Variants in SLC24A2 observed in about 807,000 individuals in gnomAD.
The protein encoded by SLC24A2 is sodium/potassium/calcium exchanger 2.
SLC24A2 carries 36 observed loss-of-function variants against 62.0 expected under a neutral mutation model. That is an observed-to-expected ratio of 0.58 (90% CI 0.44 to 0.77). SLC24A2 has a LOEUF of 0.77. SLC24A2 is among the 30% of genes least tolerant of loss of function. The pLI is 0.00. For synonymous variants in SLC24A2, 358 were observed against 294.0 expected (o/e 1.22, Z -2.23); for missense variants, 846 against 817.9 (o/e 1.03, Z -0.42).
At chr9:20,214,629 T>TA in the SLC24A2 span, among the ~76,000 whole-genome samples, 1,713 of 150,206 alleles carry the variant, frequency 0.011, 35 homozygotes, top group African/African-American at 0.04. Context: ...AAATAAAAAA[T>TA]AAAAAAAAAA....
At chr9:19,849,273 T>C in the SLC24A2 span, among the ~76,000 whole-genome samples, 1 of 152,314 alleles carries the variant, frequency 6.6e-6, no homozygotes, top group East Asian at 1.9e-4. Flanking sequence ...AATTGCTCAC[T>C]AAGAATACAT....
chr9:19,669,561 A>G (rs1178805432), intron 2 of SLC24A2, among the ~76,000 whole-genome samples: 2 of 152,218 alleles, frequency 1.3e-5, no homozygotes, highest in Non-Finnish European at 2.9e-5. Flanking sequence ...AGCTAAAAGC[A>G]AAGTCTCTGC....
At chr9:19,677,748 A>AT (rs1819602202) in intron 2 of SLC24A2, among the ~76,000 whole-genome samples, 1 of 151,288 alleles carries the variant, frequency 6.6e-6, no homozygotes, top group Non-Finnish European at 1.5e-5. Context: ...AGTGGTATAC[A>AT]TTACACATAA....
the SLC24A2 span, among the ~76,000 whole-genome samples, chr9:19,807,333 T>A: frequency 1.3e-5 from 2 of 152,244 alleles, no homozygotes; most frequent in Non-Finnish European, 2.9e-5. Context: ...CACGACATCA[T>A]CTTCTAGCCT....
At chr9:19,842,368 T>C in the SLC24A2 span, among the ~76,000 whole-genome samples, 1 of 152,198 alleles carries the variant, frequency 6.6e-6, no homozygotes, top group Admixed American at 6.5e-5. Flanking sequence ...AAAGGTAGAA[T>C]GGCTTACTGA....
the SLC24A2 span, among the ~76,000 whole-genome samples, chr9:20,086,403 G>A: frequency 6.6e-6 from 1 of 152,126 alleles, no homozygotes; most frequent in Non-Finnish European, 1.5e-5. Context: ...TGAGCCCCCA[G>A]CCTCCAAGCC....
At chr9:20,276,765 C>T in the SLC24A2 span, among the ~76,000 whole-genome samples, 2 of 152,216 alleles carry the variant, frequency 1.3e-5, no homozygotes, top group African/African-American at 2.4e-5. Flanking sequence ...GGTTCCCAAA[C>T]CTCAGTGCTT....
rs548954821 is a variant in SLC24A2, at chr9:19,707,004, G to A, written c.930+78933C>T. On this transcript the variant is annotated intron_variant, in intron 2 of 10. Coordinates refer to ENST00000341998, the MANE Select transcript of SLC24A2 (RefSeq NM_020344.4). ...AAAGGATCAACAAAATTGATAGACC[G>A]CTAGCAAGACTAATAAAGAAGAAAA... 2.0e-4 allele frequency among the ~76,000 whole-genome samples: 30 copies of A among 151,746 alleles called. No individual in the cohort carries two copies. In the South Asian group the frequency reaches 2.5e-3, roughly 13 times the overall value.
chr9:19,746,791 C>G lies in SLC24A2; in HGVS notation c.930+39146G>C, dbSNP rs1221273088. Among the ~76,000 whole-genome samples the G allele has an allele frequency of 3.9e-5, 6 of 152,108 alleles. No individual in the cohort carries two copies. In the East Asian group the frequency reaches 9.6e-4, roughly 24 times the overall value. The stretch of plus-strand genomic sequence containing the variant: ...TATTTGGTGCTTATTTTTAGTCACA[C>G]TTATCTTGTTGATTTATGAGACAGC... On this transcript the variant is annotated intron_variant, in intron 2 of 10. Coordinates refer to ENST00000341998, the MANE Select transcript of SLC24A2 (RefSeq NM_020344.4).
the SLC24A2 span, among the ~76,000 whole-genome samples, chr9:20,014,068 T>C: frequency 2.0e-5 from 3 of 151,888 alleles, no homozygotes; most frequent in Non-Finnish European, 4.4e-5. Context: ...ATTAGCAGGG[T>C]GTGGTGGTAC....
chr9:19,900,010 T>C, the SLC24A2 span, among the ~76,000 whole-genome samples: 14,818 of 152,200 alleles, frequency 0.097, 2,214 homozygotes, highest in African/African-American at 0.32. Flanking sequence ...ATATGACTAT[T>C]GTACCCTGAA....
the SLC24A2 span, among the ~76,000 whole-genome samples, chr9:19,832,433 T>C: frequency 1.1e-4 from 16 of 152,304 alleles, no homozygotes; most frequent in Middle Eastern, 3.4e-3. Context: ...AACCAAGTCA[T>C]GTTGTGTAGA....
intron 2 of SLC24A2, among the ~76,000 whole-genome samples, chr9:19,649,108 C>T (rs558733468): frequency 6.6e-6 from 1 of 151,138 alleles, no homozygotes; most frequent in Non-Finnish European, 1.5e-5. Context: ...ATCAGTCAGA[C>T]CAATTTAAAA....
chr9:20,178,431 C>G, the SLC24A2 span, among the ~76,000 whole-genome samples: 14 of 152,136 alleles, frequency 9.2e-5, no homozygotes, highest in Admixed American at 5.9e-4. Context: ...TTTGCTCCCC[C>G]ACATGTCAAC....
At chr9:20,277,066 T>C in the SLC24A2 span, among the ~76,000 whole-genome samples, 1 of 152,204 alleles carries the variant, frequency 6.6e-6, no homozygotes, top group Non-Finnish European at 1.5e-5. Flanking sequence ...GGCTCCTCAT[T>C]ACCTTTGCAA....
the SLC24A2 span, among the ~76,000 whole-genome samples, chr9:20,046,339 G>A: frequency 1.3e-5 from 2 of 152,204 alleles, no homozygotes; most frequent in East Asian, 1.9e-4. Context: ...GACCCAGAAG[G>A]TTTCTCTGTT....
At chr9:20,021,346 G>C in the SLC24A2 span, among the ~76,000 whole-genome samples, 1 of 151,250 alleles carries the variant, frequency 6.6e-6, no homozygotes, top group African/African-American at 2.4e-5. Context: ...TTGTGGGACA[G>C]ATTTATATAT....
chr9:19,755,098 C>A (rs1822100463), intron 2 of SLC24A2, among the ~76,000 whole-genome samples: 2 of 152,114 alleles, frequency 1.3e-5, no homozygotes, highest in South Asian at 4.1e-4. Flanking sequence ...AAGCTCTGAG[C>A]TCAGATGGCC....
In SLC24A2 at chr9:19,726,070, G is replaced by C. The variant is rs530547579; in HGVS notation, c.930+59867C>G. Reference sequence around the variant, plus strand: ...CCTGAAGCAAACTCAGCTCTAGCGAGGCCACATCCTCACTGAAGAATGAAA... The same window carrying C: ...CCTGAAGCAAACTCAGCTCTAGCGACGCCACATCCTCACTGAAGAATGAAA... On this transcript the variant is annotated intron_variant, in intron 2 of 10. Coordinates refer to ENST00000341998, the MANE Select transcript of SLC24A2 (RefSeq NM_020344.4). Among the ~76,000 whole-genome samples the C allele has an allele frequency of 1.2e-4, 18 of 152,274 alleles. 1 individual carries two copies. The South Asian group carries it at 3.1e-3, about 26-fold the overall frequency.
Sources: gnomAD v4.1 joint callset for allele counts (sites outside exome capture counted in the v4.1 genomes callset) on GRCh38, gnomAD v4.1.1 for gene constraint, MANE v1.5 for transcripts, NCBI Gene and HGNC (gene_info 2026-07-23, HGNC 2026-07-21) for gene names.